The following KCTD18 variants were observed in gnomAD, a reference collection of about 807,000 sequenced individuals.
KCTD18 encodes the protein potassium channel tetramerization domain containing 18, also known as BTB/POZ domain-containing protein KCTD18.
KCTD18 carries 22 observed loss-of-function variants against 30.4 expected under a neutral mutation model. The ratio of observed to expected loss-of-function variants is 0.72; its 90% CI spans 0.52 to 1.03. The LOEUF (loss-of-function observed/expected upper bound fraction) is 1.03, where lower values mean the gene tolerates loss of function less well. KCTD18 is among the 50% of genes least tolerant of loss of function. The probability of loss-of-function intolerance (pLI) is 0.00; values close to 1 mark genes in which losing one functional copy is unlikely to be tolerated. For synonymous variants in KCTD18, 186 were observed against 209.0 expected (o/e 0.89, Z 0.95); for missense variants, 529 against 547.6 (o/e 0.97, Z 0.34).
At position 200,499,006 on chromosome 2, in the gene KCTD18, A is replaced by G. The variant is rs1574802654; in HGVS notation, c.451T>C (p.Ser151Pro). 2 of 1,613,950 alleles carry G rather than the reference A, an allele frequency of 1.2e-6. No homozygotes were observed. Among genetic ancestry groups the G allele is most frequent in the East Asian group, 2.2e-5 (1 of 44,874 alleles). Residue 151 changes from serine (S) to proline (P), a missense_variant, in exon 4 of 7, where the codon TCT becomes CCT. By Grantham distance (74) the Ser-to-Pro change is moderately conservative. Coordinates refer to ENST00000359878, the MANE Select transcript of KCTD18 (RefSeq NM_152387.4). ...ATTCTACTCTCACAGCTTGCACCAG[A>G]TGTGTTAAGATAGTGGAGAACCCAA... Reference protein sequence around the residue: ...TVWVLHYLNTSGASCESRIIG... With the variant: ...TVWVLHYLNTPGASCESRIIG...
intron 5 of KCTD18, chr2:200,497,275 C>G (rs2088010896): frequency 6.3e-6 from 1 of 159,952 alleles, no homozygotes. Flanking sequence ...ATGTAAACTA[C>G]TTATCGGGGA....
chr2:200,490,614 C>T lies in KCTD18; in HGVS notation c.767G>A (p.Arg256Gln), dbSNP rs1387148391. The T allele has an allele frequency of 7.0e-6, 11 of 1,580,558 alleles. No individual in the cohort carries two copies. The highest frequency in any genetic ancestry group is 6.7e-5 in the East Asian group (3 of 44,560). ...LRHMAPIRKRRLITFNEADES... is the reference protein window; with the variant it reads ...LRHMAPIRKRQLITFNEADES... ...GTCCGCTTCATTGAACGTTATCAGT[C>T]GCCTAGAAATACAGAAGCGTGTCAT... Residue 256 changes from arginine (R) to glutamine (Q), a missense_variant and splice_region_variant, in exon 7 of 7, where the codon CGA becomes CAA. By Grantham distance (43) the Arg-to-Gln change is conservative. Coordinates refer to ENST00000359878, the MANE Select transcript of KCTD18 (RefSeq NM_152387.4).
intron 3 of KCTD18, among the ~76,000 whole-genome samples, chr2:200,499,296 AC>A (rs1218175308): frequency 2.0e-5 from 3 of 152,052 alleles, no homozygotes; most frequent in South Asian, 2.1e-4. Context: ...CACAAAAAAT[AC>A]CCCCCAAAAC....
chr2:200,508,761 C>T (rs1031653282), intron 1 of KCTD18, among the ~76,000 whole-genome samples: 1 of 152,196 alleles, frequency 6.6e-6, no homozygotes, highest in Non-Finnish European at 1.5e-5. Context: ...GATGTGACAT[C>T]TCGCACTGCC....
Position 200,489,331 on chromosome 2 carries a change from A to G in KCTD18, c.*769T>C, listed in dbSNP as rs923465582. ...TGAAAAACAAATACTAACTTTAGTT[A>G]AAAAGTTAAACTTTTACTTCTCTTT... On this transcript the variant is annotated 3_prime_UTR_variant, in exon 7 of 7. Transcript: ENST00000359878. 1 of 152,702 alleles carries G rather than the reference A, an allele frequency of 6.5e-6. No individual in the cohort carries two copies. Among genetic ancestry groups the G allele is most frequent in the Non-Finnish European group, 1.5e-5 (1 of 68,048 alleles). The allele number at this position is 152,702 out of a possible 1,614,324, so 9.5% of individuals were successfully genotyped here. A position where few individuals can be genotyped will look rare whatever the true frequency, so the allele number is the denominator to read the frequency against.
intron 1 of KCTD18, among the ~76,000 whole-genome samples, chr2:200,507,991 G>A (rs1412571513): frequency 6.6e-6 from 1 of 152,166 alleles, no homozygotes; most frequent in Non-Finnish European, 1.5e-5. Context: ...AGAATTCTAT[G>A]TAGACCAGTA....
chr2:200,501,633 A>C (rs1216316499), intron 3 of KCTD18, among the ~76,000 whole-genome samples: 1 of 139,032 alleles, frequency 7.2e-6, no homozygotes, highest in Non-Finnish European at 1.6e-5. Context: ...AAAGTCAGGA[A>C]ACAACAGGTG....
At chr2:200,507,245 T>C (rs1337249015) in intron 1 of KCTD18, among the ~76,000 whole-genome samples, 154 bp from the exon 2 acceptor site, 1 of 152,192 alleles carries the variant, frequency 6.6e-6, no homozygotes, top group Non-Finnish European at 1.5e-5. Flanking sequence ...TTTCGAGATA[T>C]GCTAAGAAGT....
At position 200,490,210 on chromosome 2, in the gene KCTD18, G is replaced by A; in HGVS notation, c.1171C>T (p.Leu391=). 1 of 1,614,098 alleles carries A rather than the reference G, an allele frequency of 6.2e-7. No individual in the cohort carries two copies. The highest frequency in any genetic ancestry group is 8.5e-7 in the Non-Finnish European group (1 of 1,179,908). The change falls in exon 7 of 7, where the codon CTG becomes TTG. Residue 391 remains leucine, a synonymous_variant. Coordinates refer to ENST00000359878, the MANE Select transcript of KCTD18 (RefSeq NM_152387.4). ...TGCCTCGTGGCCGTGGGGGAGGGCA[G>A]GCAAGGCGCGGTGGCGCACAGCGGA... ...RTPLCATAPC[L]PSPTATRQAN... is the part of the protein sequence containing the mutation.
chr2:200,497,822 T>C lies in KCTD18; in HGVS notation c.592A>G (p.Ile198Val), dbSNP rs1453173188. The part of the protein sequence containing the change: ...KREAGNNVQY[I>V]WSYYSVAELK... ...TCTGCTACTGAATAATAGCTCCAAATGTACTGAACATTATTTCCCGCCTCT... is the reference window on the plus strand; with the variant it reads ...TCTGCTACTGAATAATAGCTCCAAACGTACTGAACATTATTTCCCGCCTCT... Residue 198 changes from isoleucine (I) to valine (V), a missense_variant, in exon 5 of 7, where the codon ATT (isoleucine) becomes GTT (valine). Coordinates refer to ENST00000359878, the MANE Select transcript of KCTD18 (RefSeq NM_152387.4). The C allele has an allele frequency of 5.0e-6, 8 of 1,611,576 alleles. No homozygotes were observed. Among genetic ancestry groups the C allele is most frequent in the Non-Finnish European group, 6.8e-6 (8 of 1,178,534 alleles).
intron 5 of KCTD18, among the ~76,000 whole-genome samples, chr2:200,494,075 C>T (rs571788654): frequency 4.6e-5 from 7 of 152,266 alleles, no homozygotes; most frequent in African/African-American, 9.6e-5. Context: ...ATTCTTGAAG[C>T]CTCGAAAACA....
intron 6 of KCTD18, 73 bp from the exon 7 acceptor site, chr2:200,490,689 C>T: frequency 6.9e-7 from 1 of 1,457,740 alleles, no homozygotes; most frequent in African/African-American, 1.4e-5. Context: ...CCCAAGTTTA[C>T]CTTCAGCATT....
Position 200,489,489 on chromosome 2 carries a change from G to A in KCTD18, c.*611C>T, listed in dbSNP as rs748997152. 3.9e-5 allele frequency: 6 copies of A among 152,202 alleles called. No individual in the cohort carries two copies. Among genetic ancestry groups the A allele is most frequent in the South Asian group, 2.1e-4 (1 of 4,828 alleles). The allele number at this position is 152,202 out of a possible 1,614,324, so 9.4% of individuals were successfully genotyped here. On this transcript the variant is annotated 3_prime_UTR_variant, in exon 7 of 7. Transcript: ENST00000359878. ...TATAAATAAATCTACTAACAGAAAAGAGTAAGAAAAGCCAATCTAGGAAAG... is the reference window on the plus strand; with the variant it reads ...TATAAATAAATCTACTAACAGAAAAAAGTAAGAAAAGCCAATCTAGGAAAG...
At chr2:200,497,479 TA>T in intron 5 of KCTD18, 1 of 302,328 alleles carries the variant, frequency 3.3e-6, no homozygotes, top group Admixed American at 4.7e-5. Context: ...CAATGCACAG[TA>T]GGTACTAAAT....
Position 200,493,157 on chromosome 2 carries a change from C to G in KCTD18, c.764+15G>C, listed in dbSNP as rs1451315757. 11 of 1,497,834 alleles carry G rather than the reference C, an allele frequency of 7.3e-6. No homozygotes were observed. Among genetic ancestry groups the G allele is most frequent in the Admixed American group, 1.7e-5 (1 of 59,762 alleles). 92.8% of individuals were successfully genotyped at this position (1,497,834 alleles called of 1,614,324 possible). A position where few individuals can be genotyped will look rare whatever the true frequency, so the allele number is the denominator to read the frequency against. ...TTAAAAAAACAAAACAAATAAACAA[C>G]ACAGCATAGATAACCTCTTTCGAAT... is the stretch of plus-strand genomic sequence containing the variant. On this transcript the variant is annotated intron_variant, in intron 6 of 6. Transcript: ENST00000359878.
rs116004805 is a variant in KCTD18, at chr2:200,493,379, G to A, written c.662-105C>T. 3.8e-3 allele frequency: 2,697 copies of A among 716,076 alleles called. 17 individuals are homozygous for A. The highest frequency in any genetic ancestry group is 5.1e-3 in the Non-Finnish European group (2,042 of 400,724). The allele number at this position is 716,076 out of a possible 1,614,324, so 44.4% of individuals were successfully genotyped here. On this transcript the variant is annotated intron_variant, in intron 5 of 6. Transcript: ENST00000359878. The stretch of plus-strand genomic sequence containing the variant: ...CCAGAGTCTGAGGTTCATGCCTCCC[G>A]TTTGGCAAAGAGAGGTGTGCACAAC...
At chr2:200,509,554 G>C (rs1469731090) in intron 1 of KCTD18, 74 bp downstream of exon 1, 1 of 152,716 alleles carries the variant, frequency 6.5e-6, no homozygotes, top group East Asian at 1.9e-4. Context: ...AAAGCACCCA[G>C]TTAGGCTCCC....
intron 6 of KCTD18, among the ~76,000 whole-genome samples, chr2:200,491,824 G>A (rs2087921824): frequency 1.3e-5 from 2 of 152,184 alleles, no homozygotes; most frequent in South Asian, 4.1e-4. Context: ...TAGCATCAAT[G>A]TGTCATTAGA....
chr2:200,501,081 T>A (rs946533091), intron 3 of KCTD18, among the ~76,000 whole-genome samples: 4 of 152,034 alleles, frequency 2.6e-5, no homozygotes, highest in African/African-American at 7.3e-5. Context: ...TGGCTAGCCA[T>A]ATGTAGAAAG....
Sources: allele counts gnomAD v4.1 joint callset (sites outside exome capture counted in the v4.1 genomes callset), GRCh38; gene constraint gnomAD v4.1.1; transcripts MANE v1.5; gene names NCBI Gene and HGNC (gene_info 2026-07-23, HGNC 2026-07-21).